The following CAMTA1 variants were observed in gnomAD, a reference collection of about 807,000 sequenced individuals.
CAMTA1 encodes calmodulin binding transcription activator 1.
A neutral mutation model predicts 170.9 loss-of-function variants in CAMTA1; 27 were observed. That is an observed-to-expected ratio of 0.16 (90% CI 0.12 to 0.22). The LOEUF (loss-of-function observed/expected upper bound fraction) is 0.22, where lower values mean the gene tolerates loss of function less well. Ranked by LOEUF, CAMTA1 falls within the 10% of genes least tolerant of loss-of-function variation. The probability of loss-of-function intolerance (pLI) is 1.00; values close to 1 mark genes in which losing one functional copy is unlikely to be tolerated. For missense variants in CAMTA1, 1,619 were observed against 2,217.2 expected, an observed-to-expected ratio of 0.73 and a Z score of 5.42; for synonymous variants, 833 against 891.5, an observed-to-expected ratio of 0.93 and a Z score of 1.17.
chr1:7,403,157 A>G (rs2090032813), intron 5 of CAMTA1, among the ~76,000 whole-genome samples: 1 of 152,144 alleles, frequency 6.6e-6, no homozygotes, highest in Non-Finnish European at 1.5e-5. Context: ...GTTCGAGACC[A>G]GCCTGCCCAA....
intron 3 of CAMTA1, among the ~76,000 whole-genome samples, chr1:6,995,630 C>T (rs906205098): frequency 6.6e-6 from 1 of 152,138 alleles, no homozygotes. Flanking sequence ...ATTTCAACAT[C>T]GTTTTAAAAT....
intron 16 of CAMTA1, among the ~76,000 whole-genome samples, chr1:7,742,329 GAAC>G (rs1162982824): frequency 2.0e-5 from 3 of 151,850 alleles, no homozygotes; most frequent in African/African-American, 4.8e-5. Flanking sequence ...TGAACAAGTT[GAAC>G]AACAAAATCA....
At chr1:7,496,565 A>C (rs1179935802) in intron 6 of CAMTA1, among the ~76,000 whole-genome samples, 1 of 152,184 alleles carries the variant, frequency 6.6e-6, no homozygotes, top group Non-Finnish European at 1.5e-5. Context: ...GCAACGCCTC[A>C]GATGCAGCAA....
chr1:7,356,564 G>GCCT (rs1557580300), intron 5 of CAMTA1, among the ~76,000 whole-genome samples: 1 of 152,116 alleles, frequency 6.6e-6, no homozygotes, highest in East Asian at 1.9e-4. Flanking sequence ...GACTGCCACC[G>GCCT]CCTCCTCCTC....
chr1:7,235,931 C>T (rs997255194), intron 4 of CAMTA1, among the ~76,000 whole-genome samples: 5 of 152,168 alleles, frequency 3.3e-5, no homozygotes, highest in African/African-American at 4.8e-5. Context: ...CCTTATTATT[C>T]GTATGGCTCT....
intron 6 of CAMTA1, among the ~76,000 whole-genome samples, chr1:7,474,444 C>A (rs546324492): frequency 6.6e-6 from 1 of 152,212 alleles, no homozygotes; most frequent in African/African-American, 2.4e-5. Flanking sequence ...GCATTGATGC[C>A]GTGCATAAAA....
intron 16 of CAMTA1, among the ~76,000 whole-genome samples, chr1:7,741,758 G>A (rs2096818989): frequency 6.6e-6 from 1 of 151,810 alleles, no homozygotes; most frequent in Admixed American, 6.6e-5. Context: ...AGCCAGGTGT[G>A]TTGGCAGGTC....
chr1:7,438,669 C>G (rs974125417), intron 5 of CAMTA1, among the ~76,000 whole-genome samples: 2 of 152,126 alleles, frequency 1.3e-5, no homozygotes, highest in African/African-American at 2.4e-5. Context: ...CTGTCTCCTC[C>G]GAGGGGCAAG....
At chr1:7,695,090 A>C (rs1392292056) in intron 11 of CAMTA1, among the ~76,000 whole-genome samples, 1 of 152,108 alleles carries the variant, frequency 6.6e-6, no homozygotes, top group Non-Finnish European at 1.5e-5. Context: ...CACCCAGGAG[A>C]GCTAAAGCCA....
At position 7,041,605 on chromosome 1, in the gene CAMTA1, T is replaced by C. The variant is rs77979322; in HGVS notation, c.235-49699T>C. On this transcript the variant is annotated intron_variant, in intron 3 of 22. Transcript: ENST00000303635. This position sits in a 1 kb window ranked among gnomAD's most constrained non-coding sequence, Gnocchi z 5.1. ...TGAAACATTATTATGTTATAGAATA[T>C]TGGAGTGAAGAAATACGCATAAAGG... 0.043 allele frequency among the ~76,000 whole-genome samples: 6,476 copies of C among 152,324 alleles called. 214 individuals are homozygous for C. The highest frequency in any genetic ancestry group is 0.091 in the African/African-American group (3,802 of 41,570).
At chr1:7,457,482 G>C (rs1351449340) in intron 5 of CAMTA1, among the ~76,000 whole-genome samples, 1 of 152,000 alleles carries the variant, frequency 6.6e-6, no homozygotes, top group Non-Finnish European at 1.5e-5. Context: ...TACTAGGTTA[G>C]GTCCCCTGCC....
intron 6 of CAMTA1, among the ~76,000 whole-genome samples, chr1:7,550,784 C>T (rs1448089609): frequency 1.4e-5 from 2 of 143,518 alleles, no homozygotes; most frequent in Non-Finnish European, 3.1e-5. Flanking sequence ...CCTACCTGAC[C>T]GTCTTTCACA....
At chr1:7,427,458 G>A (rs995929975) in intron 5 of CAMTA1, among the ~76,000 whole-genome samples, 2 of 152,308 alleles carry the variant, frequency 1.3e-5, no homozygotes, top group East Asian at 1.9e-4. Context: ...TATCCAAGCT[G>A]CAGGAAGCTC....
intron 3 of CAMTA1, among the ~76,000 whole-genome samples, chr1:6,911,323 A>G (rs12069816): frequency 0.058 from 8,884 of 152,246 alleles, 279 homozygotes; most frequent in Middle Eastern, 0.095. Context: ...AGAGGACAGT[A>G]CCTGGTGTCA....
chr1:7,484,823 G>A (rs954648201), intron 6 of CAMTA1, among the ~76,000 whole-genome samples: 1 of 151,730 alleles, frequency 6.6e-6, no homozygotes, highest in African/African-American at 2.4e-5. Flanking sequence ...TGTCATGACC[G>A]TTGTGTTGTT....
At chr1:7,431,410 C>T (rs1484527431) in intron 5 of CAMTA1, among the ~76,000 whole-genome samples, 1 of 152,230 alleles carries the variant, frequency 6.6e-6, no homozygotes, top group East Asian at 1.9e-4. Context: ...AGTCAAAGGG[C>T]ATCCAGATTT....
In CAMTA1 at chr1:7,174,583, A is replaced by G. The variant is rs546044497; in HGVS notation, c.303-74908A>G. ...AGAGCACATTGCCTCGTCACAGACC[A>G]GGAGCAGAGGCTGGGGGGACCACTT... On this transcript the variant is annotated intron_variant, in intron 4 of 22. Transcript: ENST00000303635. Among the ~76,000 whole-genome samples the G allele has an allele frequency of 2.1e-4, 32 of 152,358 alleles. No homozygotes were observed. In the South Asian group the frequency reaches 6.4e-3, roughly 31 times the overall value.
chr1:6,915,066 G>A (rs1357787054), intron 3 of CAMTA1, among the ~76,000 whole-genome samples: 2 of 152,148 alleles, frequency 1.3e-5, no homozygotes, highest in East Asian at 1.9e-4. Context: ...TGCCTCTTAC[G>A]GGCCTCAGGC....
At chr1:6,853,886 T>C in intron 3 of CAMTA1, among the ~76,000 whole-genome samples, 1 of 152,162 alleles carries the variant, frequency 6.6e-6, no homozygotes, top group East Asian at 1.9e-4. Context: ...TGTATGTACC[T>C]AAAAACACTA....
Sources: gnomAD v4.1 joint callset for allele counts (sites outside exome capture counted in the v4.1 genomes callset) on GRCh38, gnomAD v4.1.1 for gene constraint, Gnocchi (gnomAD v3.1) non-coding constraint, MANE v1.5 for transcripts, NCBI Gene and HGNC (gene_info 2026-07-23, HGNC 2026-07-21) for gene names.